The following AQR variants were observed in gnomAD, a reference collection of about 807,000 sequenced individuals.
AQR encodes aquarius intron-binding spliceosomal factor, also known as RNA helicase aquarius.
Under a neutral mutation model 180.5 loss-of-function variants are expected in AQR, and 61 were observed. The ratio of observed to expected loss-of-function variants is 0.34; its 90% CI spans 0.28 to 0.42. The LOEUF is 0.42. Ranked by LOEUF, AQR falls within the 10% of genes least tolerant of loss-of-function variation. The pLI, the probability that AQR is intolerant of heterozygous loss-of-function variation, is 1.00. For synonymous variants in AQR, 551 were observed against 588.8 expected (o/e 0.94, Z 0.93); for missense variants, 1,281 against 1,798.3 (o/e 0.71, Z 5.20).
At chr15:34,942,273 C>T (rs1894035107) in intron 6 of AQR, among the ~76,000 whole-genome samples, 193 bp from the exon 7 acceptor site, 1 of 152,154 alleles carries the variant, frequency 6.6e-6, no homozygotes, top group Non-Finnish European at 1.5e-5. Context: ...AGATTTTGTA[C>T]TTGCAAATTC....
intron 3 of AQR, among the ~76,000 whole-genome samples, chr15:34,956,696 G>GAAAAAAAAAAAAAAAAAA (rs565202160): frequency 2.4e-5 from 2 of 83,370 alleles, no homozygotes; most frequent in Non-Finnish European, 4.4e-5. Flanking sequence ...TAAGAAGTCA[G>GAAAAAAAAAAAAAAAAAA]AAAAAAAAAA....
intron 9 of AQR, among the ~76,000 whole-genome samples, chr15:34,936,748 A>G (rs974933171): frequency 1.3e-5 from 2 of 152,034 alleles, no homozygotes; most frequent in Non-Finnish European, 2.9e-5. Flanking sequence ...TTCTGACAGT[A>G]TATAAACAAT....
At chr15:34,884,219 C>G (rs968242718) in intron 26 of AQR, among the ~76,000 whole-genome samples, 1 of 151,902 alleles carries the variant, frequency 6.6e-6, no homozygotes. Context: ...CCAGCCTGGC[C>G]AACATGGTGA....
chr15:34,957,864 C>T (rs1370366334), intron 3 of AQR, among the ~76,000 whole-genome samples: 1 of 151,760 alleles, frequency 6.6e-6, no homozygotes, highest in African/African-American at 2.4e-5. Flanking sequence ...TTAAAAGTGC[C>T]AAGATAAATC....
chr15:34,894,085 G>C (rs1335760487), intron 22 of AQR, among the ~76,000 whole-genome samples: 1 of 151,980 alleles, frequency 6.6e-6, no homozygotes, highest in Non-Finnish European at 1.5e-5. Flanking sequence ...CAAAATTTTA[G>C]AAAAATCATG....
chr15:34,862,853 G>T lies in AQR; in HGVS notation c.4029+14C>A. 6.2e-7 allele frequency: 1 copy of T among 1,612,266 alleles called. No individual in the cohort carries two copies. Among genetic ancestry groups the T allele is most frequent in the Non-Finnish European group, 8.5e-7 (1 of 1,178,902 alleles). On this transcript the variant is annotated intron_variant, in intron 33 of 34. Coordinates refer to ENST00000156471, the MANE Select transcript of AQR (RefSeq NM_014691.3). Reference sequence around the variant, plus strand: ...GAGGAATGCTGTTTTATAAAATGAAGAAAGAAGTCCTACCTTTCTAGTAGT... The same window carrying T: ...GAGGAATGCTGTTTTATAAAATGAATAAAGAAGTCCTACCTTTCTAGTAGT...
chr15:34,930,109 G>T (rs1893829446), intron 12 of AQR, 149 bp downstream of exon 12: 2 of 485,160 alleles, frequency 4.1e-6, no homozygotes, highest in South Asian at 4.4e-5. Flanking sequence ...TATTTTTCAA[G>T]AATTCATTGG....
chr15:34,920,263 A>C, intron 14 of AQR, 69 bp downstream of exon 14: 1 of 1,129,310 alleles, frequency 8.9e-7, no homozygotes, highest in Non-Finnish European at 1.3e-6. Context: ...ATATGAACCT[A>C]CATCTTTAAG....
intron 16 of AQR, 23 bp from the exon 17 acceptor site, chr15:34,910,336 T>C (rs770920227): frequency 1.2e-6 from 2 of 1,604,916 alleles, no homozygotes; most frequent in East Asian, 4.5e-5. Context: ...AAATGGATGA[T>C]TACTCAAACA....
intron 27 of AQR, among the ~76,000 whole-genome samples, chr15:34,878,407 AAAAG>A (rs1892918743): frequency 6.6e-6 from 1 of 151,602 alleles, no homozygotes; most frequent in East Asian, 1.9e-4. Context: ...AAAAAAAAAA[AAAAG>A]GAGATAGCTC....
At chr15:34,862,815 C>T in intron 33 of AQR, 52 bp downstream of exon 33, 2 of 1,589,948 alleles carry the variant, frequency 1.3e-6, no homozygotes, top group Admixed American at 3.4e-5. Flanking sequence ...AAGAAAATCC[C>T]AATTTCCACT....
intron 13 of AQR, among the ~76,000 whole-genome samples, chr15:34,923,085 T>C (rs1291360083): frequency 1.3e-5 from 2 of 152,202 alleles, no homozygotes; most frequent in Non-Finnish European, 2.9e-5. Flanking sequence ...TAGAATAAGA[T>C]ATCTTGAGAG....
chr15:34,857,164 A>G, intron 34 of AQR, 58 bp from the exon 35 acceptor site: 1 of 1,445,162 alleles, frequency 6.9e-7, no homozygotes, highest in East Asian at 2.3e-5. Context: ...TTATAAAGCT[A>G]AGCTCTCACA....
chr15:34,883,991 A>G (rs1178416018), intron 26 of AQR, among the ~76,000 whole-genome samples: 1 of 152,172 alleles, frequency 6.6e-6, no homozygotes, highest in Non-Finnish European at 1.5e-5. Flanking sequence ...AGTTCAAAGA[A>G]CCATTATTGA....
chr15:34,957,765 A>T (rs1036805232), intron 3 of AQR, among the ~76,000 whole-genome samples: 2 of 150,442 alleles, frequency 1.3e-5, no homozygotes, highest in African/African-American at 4.8e-5. Context: ...AAACATAAAC[A>T]TGAAAAAACA....
intron 5 of AQR, 68 bp from the exon 6 acceptor site, chr15:34,944,496 T>C (rs756579250): frequency 9.6e-6 from 14 of 1,464,086 alleles, no homozygotes; most frequent in Non-Finnish European, 1.2e-5. Flanking sequence ...GAAGCCCTAG[T>C]AGGCTTTTTA....
chr15:34,943,224 G>A (rs1471753222), intron 6 of AQR: 9 of 1,610,316 alleles, frequency 5.6e-6, no homozygotes, highest in Non-Finnish European at 7.6e-6. Context: ...GAGTGGCTAT[G>A]GTGGGCAAAC....
intron 32 of AQR, among the ~76,000 whole-genome samples, chr15:34,864,781 A>C (rs16959966): frequency 6.6e-6 from 1 of 152,056 alleles, no homozygotes; most frequent in South Asian, 2.1e-4. Context: ...TCAGTGCTAT[A>C]GTGCAGTAAA....
At chr15:34,935,883 T>A (rs1893936952) in intron 9 of AQR, among the ~76,000 whole-genome samples, 1 of 152,256 alleles carries the variant, frequency 6.6e-6, no homozygotes, top group South Asian at 2.1e-4. Context: ...TGTTGCTATC[T>A]TTTGTTCTTG....
Sources: gnomAD v4.1 joint callset for allele counts (sites outside exome capture counted in the v4.1 genomes callset) on GRCh38, gnomAD v4.1.1 for gene constraint, MANE v1.5 for transcripts, NCBI Gene and HGNC (gene_info 2026-07-23, HGNC 2026-07-21) for gene names.